The following RABGAP1 variants were observed in gnomAD, a reference collection of about 807,000 sequenced individuals.
The protein encoded by RABGAP1 is RAB GTPase activating protein 1, also known as rab GTPase-activating protein 1.
RABGAP1 carries 23 observed loss-of-function variants against 137.6 expected under a neutral mutation model. The ratio of observed to expected loss-of-function variants is 0.17; its 90% confidence interval spans 0.12 to 0.24. The LOEUF is 0.24. Ranked by LOEUF, RABGAP1 falls within the 10% of genes least tolerant of loss-of-function variation. The pLI is 1.00. For synonymous variants in RABGAP1, 451 were observed against 450.7 expected (o/e 1.00, Z -0.01); for missense variants, 906 against 1,275.8 (o/e 0.71, Z 4.42).
chr9:123,043,348 G>C (rs985690131), intron 13 of RABGAP1, among the ~76,000 whole-genome samples: 1 of 152,112 alleles, frequency 6.6e-6, no homozygotes, highest in Non-Finnish European at 1.5e-5. Context: ...AACAAAGAAG[G>C]CACTAGGAGG....
chr9:123,076,258 T>C lies in RABGAP1; in HGVS notation c.2267T>C (p.Ile756Thr). 2 of 1,610,942 alleles carry C rather than the reference T, an allele frequency of 1.2e-6. No homozygotes were observed. Among genetic ancestry groups the C allele is most frequent in the Non-Finnish European group, 8.5e-7 (1 of 1,178,232 alleles). The change falls in exon 18 of 26, where the codon ATT (isoleucine) becomes ACT (threonine). Residue 756 changes from isoleucine to threonine, a missense_variant. Ile to Thr is a moderately conservative substitution (Grantham distance 89). Around this residue, in one of 9 missense-constraint regions of RABGAP1, gnomAD observed 19 missense variants for 63.0 expected, o/e 0.30. Coordinates refer to ENST00000373647, the MANE Select transcript of RABGAP1 (RefSeq NM_012197.4). ...DLLLCEGISV[I>T]FNVALGLLKT... ...GTTCTCTTTCAGGGAATAAGTGTTATTTTTAATGTCGCCCTTGGATTATTA... is the reference window on the plus strand; with the variant it reads ...GTTCTCTTTCAGGGAATAAGTGTTACTTTTAATGTCGCCCTTGGATTATTA...
In RABGAP1 at chr9:122,998,477, A is replaced by T. The variant is rs954786815; in HGVS notation, c.1205-120A>T. ...TCTAGTTATTTTACATGTTTAATTG[A>T]TGGTTCACTTAAGGTATTTTGAAAG... On this transcript the variant is annotated intron_variant, in intron 9 of 25. Transcript: ENST00000373647. 7 of 796,758 alleles carry T rather than the reference A, an allele frequency of 8.8e-6. No individual in the cohort carries two copies. The East Asian group carries it at 1.8e-4, about 21-fold the overall frequency. The allele number at this position is 796,758 out of a possible 1,614,324, so 49.4% of individuals were successfully genotyped here.
At chr9:122,950,668 C>T (rs1224017052) in intron 1 of RABGAP1, among the ~76,000 whole-genome samples, 3 of 152,064 alleles carry the variant, frequency 2.0e-5, no homozygotes, top group Non-Finnish European at 1.5e-5. Flanking sequence ...TTTTATTCCT[C>T]ACCATAATTC....
intron 13 of RABGAP1, among the ~76,000 whole-genome samples, chr9:123,022,372 T>C (rs1410414340): frequency 6.6e-6 from 1 of 152,350 alleles, no homozygotes; most frequent in East Asian, 1.9e-4. Flanking sequence ...ATACTGGTGA[T>C]GTGTACTTTA....
At chr9:122,932,125 C>T in the RABGAP1 span, among the ~76,000 whole-genome samples, 1 of 152,192 alleles carries the variant, frequency 6.6e-6, no homozygotes. Flanking sequence ...AAGTTCATCT[C>T]ATCTCCTATC....
intron 22 of RABGAP1, 88 bp downstream of exon 22, chr9:123,097,933 C>T: frequency 9.4e-7 from 1 of 1,060,988 alleles, no homozygotes; most frequent in Non-Finnish European, 1.4e-6. Flanking sequence ...ACTAGAAAAC[C>T]TAGAGACATC....
At chr9:123,016,605 C>T (rs2031246392) in intron 12 of RABGAP1, among the ~76,000 whole-genome samples, 1 of 152,128 alleles carries the variant, frequency 6.6e-6, no homozygotes, top group Non-Finnish European at 1.5e-5. Flanking sequence ...GTTGGTGAGA[C>T]ATTTATGCAG....
chr9:122,931,882 G>A, the RABGAP1 span, among the ~76,000 whole-genome samples: 1 of 152,236 alleles, frequency 6.6e-6, no homozygotes, highest in Admixed American at 6.5e-5. Flanking sequence ...ACTTTGGTAA[G>A]TCTTTTTAGC....
intron 6 of RABGAP1, among the ~76,000 whole-genome samples, chr9:122,992,588 C>G (rs1181600706): frequency 6.6e-6 from 1 of 151,596 alleles, no homozygotes; most frequent in Non-Finnish European, 1.5e-5. Context: ...CCTTTTGCTA[C>G]ATGGCTTTGC....
intron 19 of RABGAP1, among the ~76,000 whole-genome samples, chr9:123,084,129 G>T (rs929446214): frequency 6.6e-6 from 1 of 152,202 alleles, no homozygotes; most frequent in African/African-American, 2.4e-5. Context: ...ATCTATGATA[G>T]AGTAAAATGA....
chr9:122,997,379 C>A lies in RABGAP1; in HGVS notation c.1204+18C>A. The A allele has an allele frequency of 1.3e-6, 2 of 1,536,840 alleles. No homozygotes were observed. Among genetic ancestry groups the A allele is most frequent in the Admixed American group, 2.0e-5 (1 of 49,880 alleles). ...TCCTAAAGGTGATACAGATTGTTGACATCATGAACAGAAATTTTAGTCTCA... is the reference window on the plus strand; with the variant it reads ...TCCTAAAGGTGATACAGATTGTTGAAATCATGAACAGAAATTTTAGTCTCA... On this transcript the variant is annotated intron_variant, in intron 9 of 25. Transcript: ENST00000373647.
chr9:122,939,505 T>C (rs758065461), upstream of RABGAP1: 1 of 152,108 alleles, frequency 6.6e-6, no homozygotes, highest in Non-Finnish European at 1.5e-5. Context: ...TTAAATGCAA[T>C]GTTTTCTTTT....
chr9:123,035,558 C>T lies in RABGAP1; in HGVS notation c.1794+15099C>T, dbSNP rs994872788. 2 of 1,612,880 alleles carry T rather than the reference C, an allele frequency of 1.2e-6. No individual in the cohort carries two copies. The highest frequency in any genetic ancestry group is 1.3e-5 in the African/African-American group (1 of 74,842). On this transcript the variant is annotated intron_variant, in intron 13 of 25. Coordinates refer to ENST00000373647, the MANE Select transcript of RABGAP1 (RefSeq NM_012197.4). ...TGTACTTCTTGTGCAAGTCAGACTA[C>T]AGCCAACGACCCTTACACAGTTAGA...
intron 25 of RABGAP1, among the ~76,000 whole-genome samples, chr9:123,102,469 C>T (rs755296533): frequency 6.6e-6 from 1 of 152,188 alleles, no homozygotes; most frequent in Non-Finnish European, 1.5e-5. Flanking sequence ...AGGTCTGGGA[C>T]TGCAAAGCTA....
rs551865641 is a variant in RABGAP1 at position 123,086,066 on chromosome 9, C to T, written c.2425-3692C>T. Among the ~76,000 whole-genome samples, 22 of 152,212 alleles carry T rather than the reference C, an allele frequency of 1.4e-4. No individual in the cohort carries two copies. The East Asian group carries it at 1.5e-3, about 11-fold the overall frequency. On this transcript the variant is annotated intron_variant, in intron 19 of 25. Transcript: ENST00000373647. Reference sequence around the variant, plus strand: ...ACAATTAAGTAGAAACCTAAGTAATCGTGAGCTTGGATTGGTGCCATGGAT... The same window carrying T: ...ACAATTAAGTAGAAACCTAAGTAATTGTGAGCTTGGATTGGTGCCATGGAT...
At chr9:123,031,916 A>G (rs1588300509) in intron 13 of RABGAP1, among the ~76,000 whole-genome samples, 2 of 152,328 alleles carry the variant, frequency 1.3e-5, no homozygotes, top group East Asian at 3.9e-4. Context: ...CAGAGAAATT[A>G]TTTATGTTGA....
At chr9:123,074,001 A>G (rs1432881608) in intron 16 of RABGAP1, among the ~76,000 whole-genome samples, 1 of 152,202 alleles carries the variant, frequency 6.6e-6, no homozygotes, top group Non-Finnish European at 1.5e-5. Flanking sequence ...CAAAAGTGAA[A>G]CAAACTTTCC....
At chr9:122,980,869 G>A (rs904011996) in intron 2 of RABGAP1, among the ~76,000 whole-genome samples, 10 of 152,186 alleles carry the variant, frequency 6.6e-5, no homozygotes, top group Admixed American at 2.6e-4. Context: ...CTTGGGTGGA[G>A]TCAAGGGATT....
chr9:122,985,511 C>T (rs1324132784), intron 3 of RABGAP1, among the ~76,000 whole-genome samples: 3 of 149,370 alleles, frequency 2.0e-5, no homozygotes, highest in Admixed American at 6.8e-5. Context: ...ACTTGGGAGG[C>T]TGAGGCAGCG....
Sources: allele counts gnomAD v4.1 joint callset (sites outside exome capture counted in the v4.1 genomes callset), GRCh38; gene constraint gnomAD v4.1.1; regional missense constraint gnomAD v4.1.1; transcripts MANE v1.5; gene names NCBI Gene and HGNC (gene_info 2026-07-23, HGNC 2026-07-21).